ITGA6: variants seen among roughly 807,000 people sequenced by gnomAD.
ITGA6 encodes the protein integrin subunit alpha 6.
A neutral mutation model predicts 133.6 loss-of-function variants in ITGA6; 63 were observed. The observed-to-expected ratio is 0.47, with a 90% CI of 0.38 to 0.58. ITGA6 has a LOEUF of 0.58. ITGA6 is among the 20% of genes least tolerant of loss of function. The probability of loss-of-function intolerance (pLI) is 0.00; values close to 1 mark genes in which losing one functional copy is unlikely to be tolerated. For synonymous variants in ITGA6, 434 were observed against 482.0 expected, an observed-to-expected ratio of 0.90 and a Z score of 1.30; for missense variants, 1,068 against 1,309.4, an observed-to-expected ratio of 0.82 and a Z score of 2.85.
rs1345439618 is a variant in ITGA6, at chr2:172,505,902, TTAGATTGC to T, written c.*1845_*1852del. 3.9e-5 allele frequency: 6 copies of T among 152,702 alleles called. No homozygotes were observed. The highest frequency in any genetic ancestry group is 4.1e-4 in the South Asian group (2 of 4,828). 9.5% of individuals were successfully genotyped at this position (152,702 alleles called of 1,614,324 possible). ...TGGGGAACTTGTGTCCCTAATGTGT[TTAGATTGC>T]TAGATTGCTAAGGAGCTGATACTTT... On this transcript the variant is annotated 3_prime_UTR_variant, in exon 26 of 26. Transcript: ENST00000684293.
chr2:172,445,901 G>T (rs1483778294), intron 1 of ITGA6, among the ~76,000 whole-genome samples: 3 of 152,306 alleles, frequency 2.0e-5, no homozygotes, highest in East Asian at 3.9e-4. Flanking sequence ...CATCTTCTAA[G>T]GAAAATTATT....
In ITGA6 at chr2:172,487,964, A is replaced by T. The variant is rs1686762781; in HGVS notation, c.2328A>T (p.Thr776=). ...ATTGTTTCCTTTTCATTTTCAGAAC[A>T]AGCAATCAAGATAATTTGGCTCCAA... The part of the protein sequence containing the change: ...DLDINLKLET[T]SNQDNLAPIT... Residue 776 remains threonine (T), a synonymous_variant, in exon 18 of 26, where the codon ACA becomes ACT. Coordinates refer to ENST00000684293, the MANE Select transcript of ITGA6 (RefSeq NM_000210.4). 6.2e-7 allele frequency: 1 copy of T among 1,613,322 alleles called. No individual in the cohort carries two copies. The highest frequency in any genetic ancestry group is 1.3e-5 in the African/African-American group (1 of 74,914).
At chr2:172,449,234 C>G (rs1440601011) in intron 1 of ITGA6, among the ~76,000 whole-genome samples, 1 of 152,090 alleles carries the variant, frequency 6.6e-6, no homozygotes, top group Non-Finnish European at 1.5e-5. Flanking sequence ...TTTTTATTTT[C>G]TAGAATGAAG....
chr2:172,466,771 C>T (rs1685692544), intron 2 of ITGA6, among the ~76,000 whole-genome samples: 1 of 150,068 alleles, frequency 6.7e-6, no homozygotes, highest in African/African-American at 2.4e-5. Flanking sequence ...ATTTTTCCTT[C>T]TGTCTAAAGT....
intron 5 of ITGA6, chr2:172,472,693 G>C: frequency 1.1e-6 from 1 of 882,320 alleles, no homozygotes; most frequent in South Asian, 1.4e-5. Context: ...CTCATCCAGC[G>C]AGAACAGCAG....
At chr2:172,428,226 TTC>T (rs1683948969) in intron 1 of ITGA6, 1 of 225,998 alleles carries the variant, frequency 4.4e-6, no homozygotes, top group East Asian at 1.1e-4. Flanking sequence ...TTACTTTTTT[TTC>T]TGTTTTAAAC....
rs568798781 is a variant in ITGA6, at chr2:172,451,983, C to G, written c.183-13556C>G. Among the ~76,000 whole-genome samples the G allele has an allele frequency of 7.3e-4, 80 of 108,990 alleles. 1 individual carries two copies. The highest frequency in any genetic ancestry group is 1.3e-3 in the Non-Finnish European group (63 of 48,340). The allele number at this position is 108,990 out of a possible 152,430, so 71.5% of individuals were successfully genotyped here. The stretch of plus-strand genomic sequence containing the variant: ...CTTAAAGATATTTATATTATCTTCT[C>G]TATCGTCTTTTCCTCCCTTCATTTT... On this transcript the variant is annotated intron_variant, in intron 1 of 25. Coordinates refer to ENST00000684293, the MANE Select transcript of ITGA6 (RefSeq NM_000210.4).
At chr2:172,485,367 C>T in intron 13 of ITGA6, 103 bp downstream of exon 13, 2 of 1,032,632 alleles carry the variant, frequency 1.9e-6, no homozygotes, top group Non-Finnish European at 3.1e-6. Context: ...CTTTAAAGGC[C>T]ATTCTTTTGT....
intron 1 of ITGA6, among the ~76,000 whole-genome samples, chr2:172,444,926 A>C (rs76020940): frequency 6.6e-6 from 1 of 151,898 alleles, no homozygotes; most frequent in Non-Finnish European, 1.5e-5. Flanking sequence ...GTATTAAACA[A>C]TGTAAGCGTT....
At chr2:172,434,837 G>T (rs989185723) in intron 1 of ITGA6, among the ~76,000 whole-genome samples, 1 of 152,080 alleles carries the variant, frequency 6.6e-6, no homozygotes, top group African/African-American at 2.4e-5. Flanking sequence ...TGCTTTCTAA[G>T]CCTGGGAGTA....
Position 172,467,582 on chromosome 2 carries a change from C to T in ITGA6, c.387+22C>T, listed in dbSNP as rs956098223. On this transcript the variant is annotated intron_variant, in intron 3 of 25. Coordinates refer to ENST00000684293, the MANE Select transcript of ITGA6 (RefSeq NM_000210.4). Reference sequence around the variant, plus strand: ...CGTGGTAAGTGTAGAGACACATGTTCATCCTATACTGTTGGACTGCTGGTT... The same window carrying T: ...CGTGGTAAGTGTAGAGACACATGTTTATCCTATACTGTTGGACTGCTGGTT... The T allele has an allele frequency of 2.5e-6, 4 of 1,575,626 alleles. No homozygotes were observed. The African/African-American group carries it at 5.4e-5, about 21-fold the overall frequency.
At chr2:172,472,922 T>C (rs1686008919) in intron 5 of ITGA6, 1 of 1,369,750 alleles carries the variant, frequency 7.3e-7, no homozygotes, top group East Asian at 2.3e-5. Context: ...AAATAAATTG[T>C]CTTGGTTGTG....
At chr2:172,503,636 T>G (rs1687439009) in intron 25 of ITGA6, 1 of 152,418 alleles carries the variant, frequency 6.6e-6, no homozygotes, top group African/African-American at 2.4e-5. Context: ...CATATTCAAA[T>G]AGTAATTTGT....
At chr2:172,474,758 T>TG (rs1238888330) in intron 6 of ITGA6, among the ~76,000 whole-genome samples, 171 bp from the exon 7 acceptor site, 2 of 152,218 alleles carry the variant, frequency 1.3e-5, no homozygotes, top group Non-Finnish European at 2.9e-5. Flanking sequence ...GTATTTTTCT[T>TG]GGGGCGTTTA....
At chr2:172,487,207 T>A in intron 14 of ITGA6, 57 bp from the exon 15 acceptor site, 1 of 1,546,698 alleles carries the variant, frequency 6.5e-7, no homozygotes, top group South Asian at 1.1e-5. Context: ...TAAGAAAGTT[T>A]ACTGGAAACG....
intron 1 of ITGA6, among the ~76,000 whole-genome samples, chr2:172,458,660 A>G (rs1475391118): frequency 6.6e-6 from 1 of 152,176 alleles, no homozygotes; most frequent in Non-Finnish European, 1.5e-5. Flanking sequence ...CGAGCCAGAA[A>G]TGGACCTTTT....
chr2:172,457,581 A>G lies in ITGA6; in HGVS notation c.183-7958A>G, dbSNP rs1410731066. ...GTATAAATTTAAACGATCAAATGTC[A>G]GTTGACTTTCATCTGCGTTCATAAA... is the stretch of plus-strand genomic sequence containing the variant. On this transcript the variant is annotated intron_variant, in intron 1 of 25. Coordinates refer to ENST00000684293, the MANE Select transcript of ITGA6 (RefSeq NM_000210.4). 2.0e-5 allele frequency among the ~76,000 whole-genome samples: 3 copies of G among 152,226 alleles called. No homozygotes were observed. In the East Asian group the frequency reaches 5.8e-4, roughly 29 times the overall value.
intron 7 of ITGA6, 125 bp downstream of exon 7, chr2:172,475,247 C>T: frequency 4.1e-6 from 3 of 726,270 alleles, no homozygotes; most frequent in Non-Finnish European, 4.9e-6. Flanking sequence ...GTGGGCGGAT[C>T]ACCTGAGGTC....
chr2:172,459,602 G>C (rs934906911), intron 1 of ITGA6, among the ~76,000 whole-genome samples: 2 of 152,118 alleles, frequency 1.3e-5, no homozygotes, highest in East Asian at 3.9e-4. Flanking sequence ...TCAAGGTTCT[G>C]AAGAAAATGT....
Sources: gnomAD v4.1 joint callset for allele counts (sites outside exome capture counted in the v4.1 genomes callset) on GRCh38, gnomAD v4.1.1 for gene constraint, MANE v1.5 for transcripts, NCBI Gene and HGNC (gene_info 2026-07-23, HGNC 2026-07-21) for gene names.